The following MARCHF6 variants were observed in gnomAD, a reference collection of about 807,000 sequenced individuals.
The protein encoded by MARCHF6 is E3 ubiquitin-protein ligase MARCHF6.
In MARCHF6, 31 loss-of-function variants were observed where a neutral mutation model predicts 133.7. The ratio of observed to expected loss-of-function variants is 0.23; its 90% CI spans 0.17 to 0.31. MARCHF6 has a LOEUF of 0.31. Among genes scored for constraint, MARCHF6 ranks in the 10% least tolerant of loss-of-function variants. MARCHF6 has a pLI of 1.00. For synonymous variants in MARCHF6, 395 were observed against 402.5 expected, an observed-to-expected ratio of 0.98 and a Z score of 0.22; for missense variants, 723 against 1,121.6, an observed-to-expected ratio of 0.64 and a Z score of 5.08.
chr5:10,367,794 AT>A (rs1373785431), intron 1 of MARCHF6, among the ~76,000 whole-genome samples: 1 of 152,090 alleles, frequency 6.6e-6, no homozygotes, highest in Admixed American at 6.5e-5. Context: ...ACTATTGTTT[AT>A]TGAGCCAAGC....
At chr5:10,359,591 T>G (rs893415096) in intron 1 of MARCHF6, among the ~76,000 whole-genome samples, 1 of 152,150 alleles carries the variant, frequency 6.6e-6, no homozygotes, top group African/African-American at 2.4e-5. Context: ...TCCAAAAAAT[T>G]CTCCAATATA....
Position 10,415,567 on chromosome 5 carries a change from C to T in MARCHF6, c.2046C>T (p.Leu682=), listed in dbSNP as rs1739456822. The T allele has an allele frequency of 6.2e-7, 1 of 1,614,040 alleles. No individual in the cohort carries two copies. Among genetic ancestry groups the T allele is most frequent in the Non-Finnish European group, 8.5e-7 (1 of 1,180,038 alleles). ...AGCTCTACACAGCTGCTTGTGGTCT[C>T]TATGTTTGCTGGCTAACCATAAGGG... ...IHELYTAACG[L]YVCWLTIRAV... is the part of the protein sequence containing the mutation. The change falls in exon 21 of 26, where the codon CTC becomes CTT. Residue 682 remains leucine, a synonymous_variant. Coordinates refer to ENST00000274140, the MANE Select transcript of MARCHF6 (RefSeq NM_005885.4).
chr5:10,374,719 T>TA (rs748929590), intron 1 of MARCHF6, among the ~76,000 whole-genome samples: 1 of 152,148 alleles, frequency 6.6e-6, no homozygotes, highest in Non-Finnish European at 1.5e-5. Context: ...CCTGTGTAGT[T>TA]ACGAACATAA....
chr5:10,420,370 T>C (rs542313729), intron 22 of MARCHF6, among the ~76,000 whole-genome samples: 1 of 152,048 alleles, frequency 6.6e-6, no homozygotes, highest in African/African-American at 2.4e-5. Context: ...TGAAAGTGGT[T>C]ATTTGAATGG....
Position 10,368,040 on chromosome 5 carries a change from A to G in MARCHF6, c.20-9758A>G, listed in dbSNP as rs553670909. Among the ~76,000 whole-genome samples, 14 of 152,294 alleles carry G rather than the reference A, an allele frequency of 9.2e-5. No individual in the cohort carries two copies. In the South Asian group the frequency reaches 1.2e-3, roughly 14 times the overall value. On this transcript the variant is annotated intron_variant, in intron 1 of 25. Coordinates refer to ENST00000274140, the MANE Select transcript of MARCHF6 (RefSeq NM_005885.4). Reference sequence around the variant, plus strand: ...ACGAATCTGATGGGGGGGAGCCTCAATCTGCCACAGAACCTACTTCGGTGG... The same window carrying G: ...ACGAATCTGATGGGGGGGAGCCTCAGTCTGCCACAGAACCTACTTCGGTGG...
chr5:10,426,684 T>C (rs976907228), intron 24 of MARCHF6, among the ~76,000 whole-genome samples, 162 bp downstream of exon 24: 1 of 152,242 alleles, frequency 6.6e-6, no homozygotes, highest in Non-Finnish European at 1.5e-5. Flanking sequence ...TAGATTTGAC[T>C]ATTCTGGGTA....
intron 5 of MARCHF6, among the ~76,000 whole-genome samples, chr5:10,388,091 T>C (rs919628107): frequency 6.6e-6 from 1 of 152,244 alleles, no homozygotes; most frequent in African/African-American, 2.4e-5. Context: ...TATCTTGATA[T>C]TAAGCATTGT....
Position 10,434,488 on chromosome 5 carries a change from G to A in MARCHF6, c.*804G>A, listed in dbSNP as rs968502079. ...TTTTCATGAGTCAGCCCCCCCGCCC[G>A]CCCCCACCCCACACCCACATCCTCT... On this transcript the variant is annotated 3_prime_UTR_variant, in exon 26 of 26. Coordinates refer to ENST00000274140, the MANE Select transcript of MARCHF6 (RefSeq NM_005885.4). 4 of 64,210 alleles carry A rather than the reference G, an allele frequency of 6.2e-5. No individual in the cohort carries two copies. The highest frequency in any genetic ancestry group is 5.7e-4 in the East Asian group (1 of 1,744). 4.0% of individuals were successfully genotyped at this position (64,210 alleles called of 1,614,324 possible).
intron 1 of MARCHF6, among the ~76,000 whole-genome samples, chr5:10,366,708 AG>A (rs1181671877): frequency 1.3e-5 from 2 of 152,210 alleles, no homozygotes; most frequent in African/African-American, 4.8e-5. Flanking sequence ...TAGAAAGAGC[AG>A]GGGGGAGGTG....
intron 18 of MARCHF6, 71 bp downstream of exon 18, chr5:10,410,347 G>C: frequency 6.5e-7 from 1 of 1,540,658 alleles, no homozygotes; most frequent in African/African-American, 1.4e-5. Flanking sequence ...TCTGGAAAAA[G>C]TATGTTCCAT....
chr5:10,401,804 T>C, intron 11 of MARCHF6: 2 of 515,068 alleles, frequency 3.9e-6, no homozygotes, highest in Non-Finnish European at 6.8e-6. Context: ...TTGTAAAATT[T>C]AATTCACTCT....
chr5:10,435,138 C>T lies in MARCHF6; in HGVS notation c.*1454C>T, dbSNP rs983204910. On this transcript the variant is annotated 3_prime_UTR_variant, in exon 26 of 26. Transcript: ENST00000274140. ...AGAATTTTCATATAGTATTAAAATC[C>T]ATAGACTAAAATCTGAGAATTTTTT... The T allele has an allele frequency of 2.6e-5, 4 of 152,476 alleles. No individual in the cohort carries two copies. Among genetic ancestry groups the T allele is most frequent in the African/African-American group, 9.7e-5 (4 of 41,388 alleles). 9.4% of individuals were successfully genotyped at this position (152,476 alleles called of 1,614,324 possible). A position where few individuals can be genotyped will look rare whatever the true frequency, so the allele number is the denominator to read the frequency against.
chr5:10,381,683 GA>G, intron 3 of MARCHF6, 116 bp from the exon 4 acceptor site: 1 of 759,908 alleles, frequency 1.3e-6, no homozygotes, highest in Non-Finnish European at 2.0e-6. Context: ...TTTTAAATAG[GA>G]AAAAAATTAA....
At chr5:10,418,117 G>A (rs1242424855) in intron 22 of MARCHF6, among the ~76,000 whole-genome samples, 1 of 152,134 alleles carries the variant, frequency 6.6e-6, no homozygotes, top group Non-Finnish European at 1.5e-5. Flanking sequence ...AGCGGCTTAT[G>A]CCTGCAATCA....
In MARCHF6 at chr5:10,361,887, C is replaced by T. The variant is rs927470028; in HGVS notation, c.19+7970C>T. On this transcript the variant is annotated intron_variant, in intron 1 of 25. Coordinates refer to ENST00000274140, the MANE Select transcript of MARCHF6 (RefSeq NM_005885.4). ...CAAGGGATTCTCCTGCCTCAGCCTCCCGAGTAGCTGGGATTACAGGCATGC... is the reference window on the plus strand; with the variant it reads ...CAAGGGATTCTCCTGCCTCAGCCTCTCGAGTAGCTGGGATTACAGGCATGC... Among the ~76,000 whole-genome samples, 3 of 152,080 alleles carry T rather than the reference C, an allele frequency of 2.0e-5. No homozygotes were observed. The South Asian group carries it at 6.2e-4, about 32-fold the overall frequency.
chr5:10,369,594 A>G, intron 1 of MARCHF6, among the ~76,000 whole-genome samples: 1 of 64,430 alleles, frequency 1.6e-5, no homozygotes, highest in African/African-American at 5.0e-5. Context: ...GGTATAGAAT[A>G]GTTCCATTAC....
intron 4 of MARCHF6, among the ~76,000 whole-genome samples, chr5:10,386,432 C>T (rs975319179): frequency 5.3e-5 from 8 of 152,160 alleles, no homozygotes; most frequent in East Asian, 1.9e-4. Context: ...GATAGCAGTT[C>T]GTTCACCCAT....
At chr5:10,386,960 T>G in intron 4 of MARCHF6, 34 bp from the exon 5 acceptor site, 2 of 1,561,580 alleles carry the variant, frequency 1.3e-6, no homozygotes, top group Middle Eastern at 3.4e-4. Flanking sequence ...TGATGCGAGT[T>G]GTGACTGTGT....
rs192171861 is a variant in MARCHF6 at position 10,430,338 on chromosome 5, G to A, written c.2642+310G>A. Among the ~76,000 whole-genome samples the A allele has an allele frequency of 6.1e-3, 833 of 135,798 alleles. 3 individuals carry two copies. Among genetic ancestry groups the A allele is most frequent in the Non-Finnish European group, 8.5e-3 (563 of 65,882 alleles). The allele number at this position is 135,798 out of a possible 152,430, so 89.1% of individuals were successfully genotyped here. ...TTTTTTTTTTTTGAGACGGAGTCTC[G>A]CTCTGTTGCCAGGCTGGAGTGCAGT... On this transcript the variant is annotated intron_variant, in intron 25 of 25. Transcript: ENST00000274140.
Sources: allele counts gnomAD v4.1 joint callset (sites outside exome capture counted in the v4.1 genomes callset), GRCh38; gene constraint gnomAD v4.1.1; transcripts MANE v1.5; gene names NCBI Gene and HGNC (gene_info 2026-07-23, HGNC 2026-07-21).